The following MOB1B variants were observed in gnomAD, a reference collection of about 807,000 sequenced individuals.
MOB1B encodes MOB1 Mps One Binder homolog B.
Under a neutral mutation model 24.4 loss-of-function variants are expected in MOB1B, and 19 were observed. The ratio of observed to expected loss-of-function variants is 0.78; its 90% CI spans 0.54 to 1.14. The LOEUF (loss-of-function observed/expected upper bound fraction) is 1.14. MOB1B is among the 50% of genes most tolerant of loss of function. The pLI, the probability that MOB1B is intolerant of heterozygous loss-of-function variation, is 0.00. For missense variants in MOB1B, 243 were observed against 259.6 expected (o/e 0.94, Z 0.44); for synonymous variants, 76 against 82.1 (o/e 0.93, Z 0.40).
intron 1 of MOB1B, among the ~76,000 whole-genome samples, chr4:70,930,521 A>G (rs777051000): frequency 1.3e-4 from 20 of 152,324 alleles, no homozygotes; most frequent in Admixed American, 3.9e-4. Flanking sequence ...ATATGCTTTT[A>G]TGGCATGCTT....
At chr4:70,902,832 C>T (rs1053418117) in intron 1 of MOB1B, among the ~76,000 whole-genome samples, 1 of 152,218 alleles carries the variant, frequency 6.6e-6, no homozygotes, top group Admixed American at 6.5e-5. Context: ...CTTCATCACC[C>T]CCGTCTCTGC....
Position 70,981,980 on chromosome 4 carries a change from G to A in MOB1B, c.574G>A (p.Glu192Lys). 6.3e-7 allele frequency: 1 copy of A among 1,597,754 alleles called. No individual in the cohort carries two copies. ...SFKHFIFFVQ[E>K]FNLIDRRELA... The stretch of plus-strand genomic sequence containing the variant: ...CTGCCTTTCTTTATATCATGCATAG[G>A]AATTCAACCTTATTGATAGAAGAGA... Residue 192 changes from glutamate to lysine, a missense_variant and splice_region_variant, in exon 6 of 6, where the codon GAA becomes AAA. Physicochemically the swap from Glu to Lys is moderately conservative, Grantham distance 56 (BLOSUM62 1). Coordinates refer to ENST00000309395, the MANE Select transcript of MOB1B (RefSeq NM_173468.4).
At chr4:70,908,330 C>CTT (rs1214043788) in intron 1 of MOB1B, among the ~76,000 whole-genome samples, 5 of 132,234 alleles carry the variant, frequency 3.8e-5, no homozygotes, top group African/African-American at 8.3e-5. Context: ...GCCCGGCCCT[C>CTT]TTTTTTTTTT....
intron 3 of MOB1B, among the ~76,000 whole-genome samples, chr4:70,970,345 C>T (rs1738707962): frequency 6.6e-6 from 1 of 152,150 alleles, no homozygotes; most frequent in Non-Finnish European, 1.5e-5. Context: ...TCACTCCTGT[C>T]ATTTTCTGTC....
intron 1 of MOB1B, chr4:70,950,661 T>C (rs1467776081): frequency 2.3e-5 from 25 of 1,097,464 alleles, no homozygotes; most frequent in Non-Finnish European, 3.0e-5. Flanking sequence ...TTGCGGTAAA[T>C]GTTAGTTAAT....
intron 1 of MOB1B, among the ~76,000 whole-genome samples, chr4:70,914,444 G>A (rs1736118837): frequency 6.6e-6 from 1 of 152,174 alleles, no homozygotes; most frequent in Admixed American, 6.6e-5. Flanking sequence ...CAGTCCAGGA[G>A]ATAGACATTT....
chr4:70,907,928 A>C (rs1735813938), intron 1 of MOB1B, among the ~76,000 whole-genome samples: 2 of 152,134 alleles, frequency 1.3e-5, no homozygotes, highest in African/African-American at 4.8e-5. Context: ...TTATAGGTGC[A>C]TGCTACCACG....
In MOB1B at chr4:70,978,846, GGT is replaced by G. The variant is rs149161840; in HGVS notation, c.410-267_410-266del. On this transcript the variant is annotated intron_variant, in intron 4 of 5. Coordinates refer to ENST00000309395, the MANE Select transcript of MOB1B (RefSeq NM_173468.4). ...GAGTTTAAGCTCCACTACCATCTTG[GGT>G]GTGTGTGTGTGTGTTTCATTTTAGA... 1.3e-4 allele frequency among the ~76,000 whole-genome samples: 19 copies of G among 151,594 alleles called. No homozygotes were observed. In the South Asian group the frequency reaches 3.1e-3, roughly 25 times the overall value.
intron 1 of MOB1B, among the ~76,000 whole-genome samples, chr4:70,908,457 T>C (rs1008402186): frequency 6.6e-6 from 1 of 151,374 alleles, no homozygotes; most frequent in African/African-American, 2.4e-5. Context: ...CTGTGCTACA[T>C]ACCTTCCATT....
At chr4:70,927,529 G>C (rs1451324919) in intron 1 of MOB1B, among the ~76,000 whole-genome samples, 1 of 150,294 alleles carries the variant, frequency 6.7e-6, no homozygotes, top group Non-Finnish European at 1.5e-5. Context: ...AACAGAGTGA[G>C]AATCTGTCTC....
intron 2 of MOB1B, among the ~76,000 whole-genome samples, chr4:70,968,145 C>T (rs113444485): frequency 0.011 from 1,647 of 152,268 alleles, 28 homozygotes; most frequent in African/African-American, 0.038. Flanking sequence ...CCATCTTGCC[C>T]GGCCTATGCT....
intron 1 of MOB1B, among the ~76,000 whole-genome samples, chr4:70,949,825 G>A (rs147602971): frequency 6.6e-6 from 1 of 152,068 alleles, no homozygotes; most frequent in African/African-American, 2.4e-5. Context: ...TAGAAAGATC[G>A]TTTGAGCTCA....
At chr4:70,911,429 A>G (rs1735985503) in intron 1 of MOB1B, among the ~76,000 whole-genome samples, 1 of 151,748 alleles carries the variant, frequency 6.6e-6, no homozygotes, top group African/African-American at 2.4e-5. Context: ...TATATATAAT[A>G]TATGTTATCC....
intron 1 of MOB1B, among the ~76,000 whole-genome samples, chr4:70,915,735 C>CT (rs376259386): frequency 2.3e-3 from 333 of 144,630 alleles, no homozygotes; most frequent in Non-Finnish European, 2.2e-3. Flanking sequence ...GACCGTTGGT[C>CT]TTTTTTTTTT....
At chr4:70,946,084 C>CTTTTTTTTTTTTTTTTTTTTT (rs11331194) in intron 1 of MOB1B, among the ~76,000 whole-genome samples, 2 of 85,394 alleles carry the variant, frequency 2.3e-5, no homozygotes, top group Non-Finnish European at 4.8e-5. Context: ...TTTGTTTGTT[C>CTTTTTTTTTTTTTTTTTTTTT]TTTTTTTTTT....
intron 1 of MOB1B, among the ~76,000 whole-genome samples, chr4:70,903,037 C>T (rs1259508103): frequency 2.0e-5 from 3 of 152,144 alleles, no homozygotes; most frequent in African/African-American, 4.8e-5. Context: ...AACTTCCTCT[C>T]TCGTCTTAGG....
At chr4:70,920,177 C>T (rs1736367577) in intron 1 of MOB1B, among the ~76,000 whole-genome samples, 1 of 152,168 alleles carries the variant, frequency 6.6e-6, no homozygotes, top group African/African-American at 2.4e-5. Flanking sequence ...TTACACTTTT[C>T]ACTTTTCTGA....
chr4:70,927,803 C>G (rs965393279), intron 1 of MOB1B, among the ~76,000 whole-genome samples: 1 of 152,066 alleles, frequency 6.6e-6, no homozygotes, highest in Non-Finnish European at 1.5e-5. Context: ...TTGGGCATTT[C>G]AGGTAGATAT....
chr4:70,959,187 T>C, intron 2 of MOB1B, 147 bp downstream of exon 2: 1 of 620,622 alleles, frequency 1.6e-6, no homozygotes, highest in Non-Finnish European at 2.7e-6. Context: ...AACCTTCATG[T>C]TACTTTATTT....
Sources: allele counts gnomAD v4.1 joint callset (sites outside exome capture counted in the v4.1 genomes callset), GRCh38; gene constraint gnomAD v4.1.1; transcripts MANE v1.5; gene names NCBI Gene and HGNC (gene_info 2026-07-23, HGNC 2026-07-21).